The following SEL1L2 variants were observed in gnomAD, a reference collection of about 807,000 sequenced individuals.
The protein encoded by SEL1L2 is SEL1L2 adaptor subunit of SYVN1 ubiquitin ligase, also known as protein sel-1 homolog 2.
SEL1L2 carries 89 observed loss-of-function variants against 98.8 expected under a neutral mutation model. The observed-to-expected ratio is 0.90, with a 90% CI of 0.76 to 1.07. SEL1L2 has a LOEUF of 1.07. Among genes scored for constraint, SEL1L2 ranks in the 50% least tolerant of loss-of-function variants. The pLI is 0.00. For synonymous variants in SEL1L2, 262 were observed against 278.5 expected (o/e 0.94, Z 0.59); for missense variants, 788 against 812.0 (o/e 0.97, Z 0.36).
intron 18 of SEL1L2, chr20:13,851,537 T>G (rs1458610195): frequency 6.6e-6 from 1 of 152,082 alleles, no homozygotes; most frequent in Non-Finnish European, 1.5e-5. Context: ...TACTATATTT[T>G]CAGGAGCTTT....
At chr20:13,978,482 A>T (rs538327315) in intron 1 of SEL1L2, among the ~76,000 whole-genome samples, 1 of 152,354 alleles carries the variant, frequency 6.6e-6, no homozygotes, top group African/African-American at 2.4e-5. Flanking sequence ...AAATTGGTAC[A>T]GCCATTATGG....
intron 1 of SEL1L2, among the ~76,000 whole-genome samples, chr20:13,984,652 CTT>C (rs979130861): frequency 1.3e-5 from 2 of 152,204 alleles, no homozygotes; most frequent in African/African-American, 4.8e-5. Flanking sequence ...AAGTCTCTCT[CTT>C]TCTTTCTCTC....
At chr20:13,958,600 G>A (rs920419094) in intron 1 of SEL1L2, among the ~76,000 whole-genome samples, 4 of 152,106 alleles carry the variant, frequency 2.6e-5, no homozygotes, top group Non-Finnish European at 5.9e-5. Context: ...ATTTGGCCCA[G>A]GAACTGCTAA....
chr20:13,967,081 C>G (rs1222589124), intron 1 of SEL1L2, among the ~76,000 whole-genome samples: 1 of 151,778 alleles, frequency 6.6e-6, no homozygotes. Flanking sequence ...GGGGGTTTCA[C>G]CATATTGACC....
intron 1 of SEL1L2, among the ~76,000 whole-genome samples, chr20:13,962,361 GCCTTGCAGCCT>G (rs1314504834): frequency 6.6e-6 from 1 of 152,116 alleles, no homozygotes; most frequent in Non-Finnish European, 1.5e-5. Flanking sequence ...TAGTCCTTAG[GCCTTGCAGCCT>G]CCTTTACCTT....
intron 3 of SEL1L2, among the ~76,000 whole-genome samples, chr20:13,926,208 A>T (rs546638210): frequency 1.3e-5 from 2 of 152,190 alleles, no homozygotes; most frequent in Non-Finnish European, 2.9e-5. Flanking sequence ...CCAGCTACTC[A>T]GGAGGCTGAG....
intron 5 of SEL1L2, among the ~76,000 whole-genome samples, chr20:13,899,435 C>G (rs1308731686): frequency 6.6e-6 from 1 of 151,992 alleles, no homozygotes; most frequent in Non-Finnish European, 1.5e-5. Flanking sequence ...ATTTTTTCTT[C>G]TTAGCATAAT....
Position 13,914,999 on chromosome 20 carries a change from C to A in SEL1L2, c.387-1055G>T, listed in dbSNP as rs1054972937. 8 of 784,118 alleles carry A rather than the reference C, an allele frequency of 1.0e-5. No individual in the cohort carries two copies. The Admixed American group carries it at 2.9e-4, about 29-fold the overall frequency. The allele number at this position is 784,118 out of a possible 1,614,324, so 48.6% of individuals were successfully genotyped here. ...GGATTTATTTTTACTTTTATAACTT[C>A]GTTTTGAAGGTAAAGACCAGAAAGC... is the stretch of plus-strand genomic sequence containing the variant. On this transcript the variant is annotated intron_variant, in intron 4 of 19. Transcript: ENST00000284951.
intron 14 of SEL1L2, among the ~76,000 whole-genome samples, chr20:13,869,061 C>A (rs2046061319): frequency 6.6e-6 from 1 of 151,932 alleles, no homozygotes; most frequent in Non-Finnish European, 1.5e-5. Context: ...GATGTACTTC[C>A]CCTGCCTACC....
chr20:13,867,582 C>G (rs548681603), intron 14 of SEL1L2, among the ~76,000 whole-genome samples: 1 of 152,314 alleles, frequency 6.6e-6, no homozygotes, highest in East Asian at 1.9e-4. Flanking sequence ...AGCTCCACAA[C>G]TGTGTGATCC....
chr20:13,973,034 T>C (rs2051356238), intron 1 of SEL1L2, among the ~76,000 whole-genome samples: 1 of 152,184 alleles, frequency 6.6e-6, no homozygotes, highest in Non-Finnish European at 1.5e-5. Flanking sequence ...GTATGTATCC[T>C]CCAAGTGCCT....
chr20:13,855,581 C>T (rs117460558), intron 18 of SEL1L2, among the ~76,000 whole-genome samples: 3,018 of 152,278 alleles, frequency 0.02, 49 homozygotes, highest in Non-Finnish European at 0.03. Context: ...TTATTTCTCC[C>T]CCATTCAGCA....
At chr20:13,857,184 G>T (rs1055621719) in intron 18 of SEL1L2, among the ~76,000 whole-genome samples, 1 of 150,426 alleles carries the variant, frequency 6.6e-6, no homozygotes, top group Non-Finnish European at 1.5e-5. Context: ...CCAAGTGGGA[G>T]GTTAAGAGTA....
rs1406923 is a variant in SEL1L2, at chr20:13,930,435, A to G, written c.283+1168T>C. On this transcript the variant is annotated intron_variant, in intron 3 of 19. Coordinates refer to ENST00000284951, the MANE Select transcript of SEL1L2 (RefSeq NM_025229.2). ...AGTCCTGCTACTGGCCCCAGGGGGAACTTTGTGGTTTCCCTATATCCTGTC... is the reference window on the plus strand; with the variant it reads ...AGTCCTGCTACTGGCCCCAGGGGGAGCTTTGTGGTTTCCCTATATCCTGTC... Among the ~76,000 whole-genome samples the G allele has an allele frequency of 4.0e-3, 615 of 152,292 alleles. 1 individual carries two copies. Among genetic ancestry groups the G allele is most frequent in the East Asian group, 9.8e-3 (51 of 5,180 alleles).
chr20:13,904,523 A>G, intron 5 of SEL1L2, among the ~76,000 whole-genome samples: 1 of 151,970 alleles, frequency 6.6e-6, no homozygotes, highest in Non-Finnish European at 1.5e-5. Context: ...GCAAGACTCC[A>G]TCTCAAAATA....
chr20:13,877,566 T>C lies in SEL1L2; in HGVS notation c.980A>G (p.Lys327Arg). The stretch of plus-strand genomic sequence containing the variant: ...ATTTGCACTCCCGGCCTTTGCTGCC[T>C]TTAAGAAGTAGTGTAATGCTTTCTG... ...DYYKALHYFL[K>R]AAKAGSANAM... is the part of the protein sequence containing the mutation. The change falls in exon 11 of 20, where the codon AAG (lysine) becomes AGG (arginine). Residue 327 changes from lysine to arginine, a missense_variant. Physicochemically the swap from Lys to Arg is conservative, Grantham distance 26. Coordinates refer to ENST00000284951, the MANE Select transcript of SEL1L2 (RefSeq NM_025229.2). The C allele has an allele frequency of 6.2e-7, 1 of 1,613,122 alleles. No individual in the cohort carries two copies. Among genetic ancestry groups the C allele is most frequent in the Non-Finnish European group, 8.5e-7 (1 of 1,179,254 alleles).
intron 5 of SEL1L2, among the ~76,000 whole-genome samples, chr20:13,896,387 G>A (rs1442316213): frequency 2.6e-5 from 4 of 151,764 alleles, no homozygotes; most frequent in Non-Finnish European, 5.9e-5. Flanking sequence ...GGAGAATGGC[G>A]TGAACCCGGA....
At chr20:13,919,927 A>AAAC (rs2048578671) in intron 3 of SEL1L2, among the ~76,000 whole-genome samples, 1 of 150,118 alleles carries the variant, frequency 6.7e-6, no homozygotes, top group Non-Finnish European at 1.5e-5. Context: ...TCCGTCTCAA[A>AAAC]AAAAAAAAAA....
chr20:13,883,935 T>C (rs527563602), intron 10 of SEL1L2, among the ~76,000 whole-genome samples: 33 of 152,328 alleles, frequency 2.2e-4, no homozygotes, highest in African/African-American at 7.7e-4. Flanking sequence ...TGAATCCAGA[T>C]ATTTCCATCT....
Sources: gnomAD v4.1 joint callset for allele counts (sites outside exome capture counted in the v4.1 genomes callset) on GRCh38, gnomAD v4.1.1 for gene constraint, MANE v1.5 for transcripts, NCBI Gene and HGNC (gene_info 2026-07-23, HGNC 2026-07-21) for gene names.